CA10: variants seen among roughly 807,000 people sequenced by gnomAD.
CA10 encodes the protein carbonic anhydrase 10 (inactive), also known as carbonic anhydrase-related protein 10.
In CA10, 14 loss-of-function variants were observed where a neutral mutation model predicts 44.2. The observed-to-expected ratio is 0.32, with a 90% CI of 0.21 to 0.50. The LOEUF (loss-of-function observed/expected upper bound fraction) is 0.50, where lower values mean the gene tolerates loss of function less well. Among genes scored for constraint, CA10 ranks in the 20% least tolerant of loss-of-function variants. CA10 has a pLI of 0.99. For synonymous variants in CA10, 159 were observed against 141.6 expected, an observed-to-expected ratio of 1.12 and a Z score of -0.87; for missense variants, 350 against 409.7, an observed-to-expected ratio of 0.85 and a Z score of 1.26.
intron 3 of CA10, among the ~76,000 whole-genome samples, chr17:51,882,943 C>T (rs887736097): frequency 1.3e-5 from 2 of 152,080 alleles, no homozygotes; most frequent in Non-Finnish European, 2.9e-5. Context: ...CAGATATAAT[C>T]CTGGCTGGGT....
Position 51,968,503 on chromosome 17 carries a change from A to T in CA10, c.137-37371T>A, listed in dbSNP as rs139523381. ...CAGATTCAAAGGTTGACTATTGTAT[A>T]TTTCCATTTATACGACTTTCTAAAG... is the stretch of plus-strand genomic sequence containing the variant. On this transcript the variant is annotated intron_variant, in intron 2 of 8. Coordinates refer to ENST00000451037, the MANE Select transcript of CA10 (RefSeq NM_020178.5). 4.7e-3 allele frequency among the ~76,000 whole-genome samples: 713 copies of T among 152,044 alleles called. 6 individuals are homozygous for T. The highest frequency in any genetic ancestry group is 8.4e-3 in the Non-Finnish European group (568 of 67,850).
intron 3 of CA10, among the ~76,000 whole-genome samples, chr17:51,757,566 TA>T (rs1206496567): frequency 6.6e-6 from 1 of 152,228 alleles, no homozygotes; most frequent in East Asian, 1.9e-4. Context: ...GCTTTTCCTT[TA>T]AATTATCTTA....
intron 3 of CA10, among the ~76,000 whole-genome samples, chr17:51,760,343 CT>C (rs1905184966): frequency 6.6e-6 from 1 of 152,196 alleles, no homozygotes; most frequent in Non-Finnish European, 1.5e-5. Flanking sequence ...GTCCTTGCCC[CT>C]ATAGGCTCTC....
At chr17:51,779,315 CTTT>C (rs911773332) in intron 3 of CA10, among the ~76,000 whole-genome samples, 11 of 152,202 alleles carry the variant, frequency 7.2e-5, no homozygotes, top group African/African-American at 2.6e-4. Context: ...ATAGTGAATA[CTTT>C]TTTTGAATTT....
intron 3 of CA10, among the ~76,000 whole-genome samples, chr17:51,921,282 C>A (rs1440596662): frequency 2.0e-5 from 3 of 152,184 alleles, no homozygotes; most frequent in African/African-American, 7.2e-5. Context: ...CAGTGCCCAT[C>A]AGAACTCTTT....
At chr17:51,964,104 T>C (rs905730880) in intron 2 of CA10, among the ~76,000 whole-genome samples, 3 of 152,040 alleles carry the variant, frequency 2.0e-5, no homozygotes, top group South Asian at 2.1e-4. Flanking sequence ...AAAAGAGCAG[T>C]GGTCAGTATT....
intron 3 of CA10, among the ~76,000 whole-genome samples, chr17:51,887,580 A>G (rs1443274078): frequency 2.0e-5 from 3 of 152,208 alleles, no homozygotes; most frequent in Non-Finnish European, 4.4e-5. Flanking sequence ...AATCTGGGTA[A>G]GTTATTTACC....
At chr17:51,764,653 G>A (rs1431123190) in intron 3 of CA10, among the ~76,000 whole-genome samples, 2 of 152,160 alleles carry the variant, frequency 1.3e-5, no homozygotes, top group African/African-American at 2.4e-5. Flanking sequence ...ATGGCTGAGA[G>A]CCTAGGAGGC....
intron 1 of CA10, among the ~76,000 whole-genome samples, chr17:52,148,444 A>G (rs888980700): frequency 6.6e-6 from 1 of 152,214 alleles, no homozygotes. Context: ...AAGTGCCCCA[A>G]ATAAGGATGA....
chr17:52,143,547 G>C (rs1989524526), intron 1 of CA10, among the ~76,000 whole-genome samples: 1 of 152,082 alleles, frequency 6.6e-6, no homozygotes, highest in Admixed American at 6.6e-5. Context: ...AATCCAGTGG[G>C]AACTAATCAG....
At chr17:51,916,630 A>G (rs1982008557) in intron 3 of CA10, among the ~76,000 whole-genome samples, 1 of 152,172 alleles carries the variant, frequency 6.6e-6, no homozygotes, top group Admixed American at 6.5e-5. Context: ...GTGGAACTGT[A>G]GGTCCATTGA....
At chr17:51,716,832 A>G (rs1394950770) in intron 4 of CA10, among the ~76,000 whole-genome samples, 3 of 152,174 alleles carry the variant, frequency 2.0e-5, no homozygotes, top group Non-Finnish European at 4.4e-5. Flanking sequence ...TTGGTTTTTC[A>G]TTCAACAGAA....
chr17:51,901,313 G>A (rs1981304805), intron 3 of CA10, among the ~76,000 whole-genome samples: 1 of 152,102 alleles, frequency 6.6e-6, no homozygotes, highest in South Asian at 2.1e-4. Context: ...TGGGCTGTAT[G>A]CTCTAACTCT....
chr17:51,677,879 G>T (rs1040591707), intron 4 of CA10, among the ~76,000 whole-genome samples: 2 of 78,436 alleles, frequency 2.5e-5, no homozygotes, highest in Non-Finnish European at 2.8e-5. Flanking sequence ...CCACTCCTAG[G>T]TATACACCCC....
intron 4 of CA10, among the ~76,000 whole-genome samples, chr17:51,711,847 G>A (rs1915952457): frequency 6.6e-6 from 1 of 152,142 alleles, no homozygotes; most frequent in Admixed American, 6.5e-5. Context: ...GGGGTGAGGT[G>A]GGAATGTGGT....
At chr17:51,642,858 G>A (rs533599131) in intron 6 of CA10, among the ~76,000 whole-genome samples, 5 of 152,222 alleles carry the variant, frequency 3.3e-5, no homozygotes, top group African/African-American at 4.8e-5. Context: ...GGCCAGGCTC[G>A]TCTTGAACTC....
chr17:51,814,174 A>G (rs1200096786), intron 3 of CA10, among the ~76,000 whole-genome samples: 1 of 152,222 alleles, frequency 6.6e-6, no homozygotes, highest in Non-Finnish European at 1.5e-5. Context: ...TCAACATTGA[A>G]GTAAGGTGGG....
chr17:52,089,236 T>C (rs1988198823), intron 1 of CA10, among the ~76,000 whole-genome samples: 1 of 152,200 alleles, frequency 6.6e-6, no homozygotes, highest in African/African-American at 2.4e-5. Flanking sequence ...AGTTTTTGTG[T>C]CACTATGTGT....
chr17:51,923,962 A>C (rs1982327841), intron 3 of CA10, among the ~76,000 whole-genome samples: 1 of 152,148 alleles, frequency 6.6e-6, no homozygotes, highest in Non-Finnish European at 1.5e-5. Flanking sequence ...ATATGAAAGC[A>C]TGTTTATCAT....
Sources: gnomAD v4.1 joint callset for allele counts (sites outside exome capture counted in the v4.1 genomes callset) on GRCh38, gnomAD v4.1.1 for gene constraint, MANE v1.5 for transcripts, NCBI Gene and HGNC (gene_info 2026-07-23, HGNC 2026-07-21) for gene names.